Variants in FBXO40 observed in about 807,000 individuals in gnomAD.
The protein encoded by FBXO40 is F-box protein 40.
A neutral mutation model predicts 49.9 loss-of-function variants in FBXO40; 50 were observed. The ratio of observed to expected loss-of-function variants is 1.00; its 90% CI spans 0.80 to 1.27. FBXO40 has a LOEUF of 1.27. Ranked by LOEUF, FBXO40 falls within the 50% of genes most tolerant of loss-of-function variation. The probability of loss-of-function intolerance (pLI) is 0.00; values close to 1 mark genes in which losing one functional copy is unlikely to be tolerated. For synonymous variants in FBXO40, 340 were observed against 320.2 expected (o/e 1.06, Z -0.66); for missense variants, 895 against 870.1 (o/e 1.03, Z -0.36).
intron 1 of FBXO40, among the ~76,000 whole-genome samples, chr3:121,608,330 G>T (rs1400021849): frequency 1.3e-5 from 2 of 152,158 alleles, no homozygotes; most frequent in East Asian, 3.8e-4. Context: ...CATTAAAAAG[G>T]CATGCTTGGA....
At position 121,612,816 on chromosome 3, in the gene FBXO40, TC is replaced by T. The variant is rs1560129834; in HGVS notation, c.-30-7727del. On this transcript the variant is annotated intron_variant, in intron 1 of 3. Transcript: ENST00000338040. ...CGGGCGCGGTGGCTCACACCTGTAA[TC>T]CCAGCACTTTGGGAGGCCGAGGCTG... Among the ~76,000 whole-genome samples the T allele has an allele frequency of 4.6e-5, 7 of 152,014 alleles. No homozygotes were observed. The South Asian group carries it at 1.5e-3, about 32-fold the overall frequency.
chr3:121,604,878 T>C (rs923605621), intron 1 of FBXO40, among the ~76,000 whole-genome samples: 5 of 152,188 alleles, frequency 3.3e-5, no homozygotes, highest in African/African-American at 1.2e-4. Flanking sequence ...CAAGTGGTTA[T>C]ACCCATGAAA....
At position 121,604,531 on chromosome 3, in the gene FBXO40, C is replaced by T. The variant is rs191367811; in HGVS notation, c.-31+11029C>T. ...TCCACCATGATGGCCCTGACCCAAA[C>T]CACAATGTTAGCCATTATCTAAAGA... On this transcript the variant is annotated intron_variant, in intron 1 of 3. Transcript: ENST00000338040. Among the ~76,000 whole-genome samples the T allele has an allele frequency of 6.6e-5, 10 of 152,262 alleles. No homozygotes were observed. The East Asian group carries it at 1.9e-3, about 29-fold the overall frequency.
chr3:121,614,685 C>T (rs952111278), intron 1 of FBXO40, among the ~76,000 whole-genome samples: 4 of 152,124 alleles, frequency 2.6e-5, no homozygotes, highest in African/African-American at 9.7e-5. Context: ...GCCTCAAACT[C>T]AAGTAGCAGT....
chr3:121,611,685 C>T (rs1362041508), intron 1 of FBXO40, among the ~76,000 whole-genome samples: 4 of 152,180 alleles, frequency 2.6e-5, no homozygotes, highest in South Asian at 2.1e-4. Context: ...AGACCCTTTA[C>T]GGGTGTCAGG....
rs371598644 is a variant in FBXO40, at chr3:121,623,113, C to A, written c.1684C>A (p.Leu562Ile). 1.5e-5 allele frequency: 25 copies of A among 1,614,126 alleles called. 1 individual carries two copies. The highest frequency in any genetic ancestry group is 1.9e-5 in the Non-Finnish European group (22 of 1,180,062). The stretch of plus-strand genomic sequence containing the variant: ...GAGCGAGGGAAGGAAGAACAACCAT[C>A]TTTTGGGTCATGGAGGAAAAAGCCA... ...ELSEGRKNNH[L>I]LGHGGKSQNS... Residue 562 changes from leucine to isoleucine, a missense_variant, in exon 3 of 4, where the codon CTT (leucine) becomes ATT (isoleucine). By Grantham distance (5) the Leu-to-Ile change is conservative (BLOSUM62 2). Coordinates refer to ENST00000338040, the MANE Select transcript of FBXO40 (RefSeq NM_016298.4).
intron 1 of FBXO40, among the ~76,000 whole-genome samples, chr3:121,601,190 A>G (rs1041119987): frequency 2.6e-5 from 4 of 152,154 alleles, no homozygotes; most frequent in East Asian, 1.9e-4. Flanking sequence ...ATTGACCCTT[A>G]TATCAGTGAG....
chr3:121,622,917 C>T lies in FBXO40; in HGVS notation c.1488C>T (p.His496=). 4 of 1,614,242 alleles carry T rather than the reference C, an allele frequency of 2.5e-6. No homozygotes were observed. The highest frequency in any genetic ancestry group is 3.4e-6 in the Non-Finnish European group (4 of 1,180,040). The stretch of plus-strand genomic sequence containing the variant: ...TCCCCCTGCACTTCAAGAATGTCCA[C>T]ACAGACATTCAGTCATGTCTCAATG... ...DEFPLHFKNV[H]TDIQSCLNGW... is the part of the protein sequence containing the mutation. The change falls in exon 3 of 4, where the codon CAC becomes CAT. Residue 496 remains histidine (H), a synonymous_variant. Coordinates refer to ENST00000338040, the MANE Select transcript of FBXO40 (RefSeq NM_016298.4).
intron 1 of FBXO40, among the ~76,000 whole-genome samples, chr3:121,602,134 C>T (rs1239132566): frequency 6.6e-6 from 1 of 152,206 alleles, no homozygotes; most frequent in Non-Finnish European, 1.5e-5. Context: ...ACAACATAGT[C>T]CTGACTCTTT....
chr3:121,595,446 G>A (rs1279893312), intron 1 of FBXO40, among the ~76,000 whole-genome samples: 2 of 152,176 alleles, frequency 1.3e-5, no homozygotes, highest in Non-Finnish European at 1.5e-5. Context: ...CAATGCAACT[G>A]TAATTTAATA....
At chr3:121,613,059 G>C (rs2108848169) in intron 1 of FBXO40, among the ~76,000 whole-genome samples, 1 of 138,016 alleles carries the variant, frequency 7.2e-6, no homozygotes, top group South Asian at 2.3e-4. Flanking sequence ...GACAGAGCAA[G>C]ACTCCGTCTC....
chr3:121,609,356 ATC>A (rs2048952070), intron 1 of FBXO40, among the ~76,000 whole-genome samples: 2 of 151,512 alleles, frequency 1.3e-5, no homozygotes, highest in Non-Finnish European at 2.9e-5. Flanking sequence ...CGGTAGTATT[ATC>A]TGAGTTCTCT....
At chr3:121,618,287 T>G (rs1238423376) in intron 1 of FBXO40, among the ~76,000 whole-genome samples, 1 of 151,926 alleles carries the variant, frequency 6.6e-6, no homozygotes, top group Admixed American at 6.6e-5. Flanking sequence ...TTTTCTTAGG[T>G]GAGACAATAT....
chr3:121,615,182 G>T (rs545997571), intron 1 of FBXO40, among the ~76,000 whole-genome samples: 83 of 117,190 alleles, frequency 7.1e-4, no homozygotes, highest in African/African-American at 2.7e-3. Flanking sequence ...TCCAGCCTGG[G>T]CAACAGAGAG....
At chr3:121,617,454 G>C (rs1576454369) in intron 1 of FBXO40, among the ~76,000 whole-genome samples, 1 of 152,050 alleles carries the variant, frequency 6.6e-6, no homozygotes, top group East Asian at 1.9e-4. Context: ...AATTAGCTGG[G>C]CATGGTGGTG....
chr3:121,623,406 C>T (rs1256646638), intron 3 of FBXO40, 63 bp downstream of exon 3: 3 of 1,398,680 alleles, frequency 2.1e-6, no homozygotes, highest in African/African-American at 1.4e-5. Context: ...TTTTTATAGA[C>T]AGGTTCTCTC....
intron 1 of FBXO40, among the ~76,000 whole-genome samples, chr3:121,619,145 G>C (rs141088959): frequency 1.3e-5 from 2 of 151,336 alleles, no homozygotes; most frequent in East Asian, 3.9e-4. Flanking sequence ...GACCATAGGC[G>C]TGCACCACCA....
At chr3:121,608,107 T>A (rs2048941640) in intron 1 of FBXO40, among the ~76,000 whole-genome samples, 1 of 152,228 alleles carries the variant, frequency 6.6e-6, no homozygotes, top group Admixed American at 6.5e-5. Context: ...AAGCGTTAAC[T>A]GGCTCTTTTA....
chr3:121,618,019 A>G (rs2049007818), intron 1 of FBXO40, among the ~76,000 whole-genome samples: 1 of 152,162 alleles, frequency 6.6e-6, no homozygotes, highest in Non-Finnish European at 1.5e-5. Flanking sequence ...AAAGAGAAGA[A>G]TTATAATGTT....
Sources: gnomAD v4.1 joint callset for allele counts (sites outside exome capture counted in the v4.1 genomes callset) on GRCh38, gnomAD v4.1.1 for gene constraint, MANE v1.5 for transcripts, NCBI Gene and HGNC (gene_info 2026-07-23, HGNC 2026-07-21) for gene names.